Variants in SLC12A5 observed in about 807,000 individuals in gnomAD.
SLC12A5 encodes solute carrier family 12 member 5, also known as K-Cl cotransporter 2.
SLC12A5 carries 18 observed loss-of-function variants against 124.0 expected under a neutral mutation model. The observed-to-expected ratio is 0.15, with a 90% CI of 0.10 to 0.22. SLC12A5 has a LOEUF of 0.22. Ranked by LOEUF, SLC12A5 falls within the 10% of genes least tolerant of loss-of-function variation. SLC12A5 has a pLI of 1.00. For synonymous variants in SLC12A5, 589 were observed against 568.0 expected, an observed-to-expected ratio of 1.04 and a Z score of -0.53; for missense variants, 867 against 1,478.7, an observed-to-expected ratio of 0.59 and a Z score of 6.78.
At position 46,037,549 on chromosome 20, in the gene SLC12A5, T is replaced by C. The variant is rs566341431; in HGVS notation, c.612+164T>C. Among the ~76,000 whole-genome samples, 613 of 152,300 alleles carry C rather than the reference T, an allele frequency of 4.0e-3. 2 individuals are homozygous for C. The highest frequency in any genetic ancestry group is 0.014 in the African/African-American group (597 of 41,550). Reference sequence around the variant, plus strand: ...TGTTTCTAAAGAGTTCACAGTCTAGTTGGGGAGACAAGATACAATAATTAT... The same window carrying C: ...TGTTTCTAAAGAGTTCACAGTCTAGCTGGGGAGACAAGATACAATAATTAT... On this transcript the variant is annotated intron_variant, in intron 6 of 25. Coordinates refer to ENST00000243964, the MANE Select transcript of SLC12A5 (RefSeq NM_020708.5).
At chr20:46,046,721 G>C (rs1004185431) in intron 14 of SLC12A5, among the ~76,000 whole-genome samples, 2 of 152,242 alleles carry the variant, frequency 1.3e-5, no homozygotes, top group East Asian at 1.9e-4. Flanking sequence ...CTGGAAGTCA[G>C]CTGGCCAGAG....
downstream of SLC12A5, among the ~76,000 whole-genome samples, chr20:46,023,940 C>T (rs962070807): frequency 6.6e-6 from 1 of 152,140 alleles, no homozygotes; most frequent in Non-Finnish European, 1.5e-5. Context: ...CTACCCTTGC[C>T]TTCTCTTCTC....
chr20:46,023,524 C>T, exon 3 of SLC12A5: 1 of 398,842 alleles, frequency 2.5e-6, no homozygotes, highest in Middle Eastern at 6.3e-4. Context: ...CCAGTCCTTC[C>T]CTAGCCCTCC....
chr20:46,054,662 C>A (rs2084674301), intron 20 of SLC12A5, among the ~76,000 whole-genome samples: 1 of 152,210 alleles, frequency 6.6e-6, no homozygotes, highest in South Asian at 2.1e-4. Flanking sequence ...ATTAGTTCAT[C>A]CATTCATATG....
At chr20:46,036,914 C>A in intron 5 of SLC12A5, 119 bp downstream of exon 5, 1 of 1,334,448 alleles carries the variant, frequency 7.5e-7, no homozygotes, top group Non-Finnish European at 1.1e-6. Context: ...GGGGGCTGGG[C>A]TGTATCTGTT....
chr20:46,033,051 G>T (rs570208721), intron 1 of SLC12A5, among the ~76,000 whole-genome samples: 70 of 152,328 alleles, frequency 4.6e-4, no homozygotes, highest in African/African-American at 1.6e-3. Context: ...ATGAGGTGGA[G>T]GTGGTGGCAG....
At chr20:46,040,697 C>T (rs2084538279) in intron 7 of SLC12A5, 83 bp downstream of exon 7, 1 of 1,563,368 alleles carries the variant, frequency 6.4e-7, no homozygotes, top group African/African-American at 1.3e-5. Flanking sequence ...ACTCCCCCTC[C>T]CTGCCCCTCA....
In SLC12A5 at chr20:46,054,975, C is replaced by G. The variant is rs1425929792; in HGVS notation, c.2739C>G (p.Ser913=). ...AGACGTTGGTGATGGAGCAGCGTTC[C>G]CAGATCCTCAAACAGATGCATTTAA... ...YEKTLVMEQR[S]QILKQMHLTK... is the part of the protein sequence containing the mutation. The change falls in exon 21 of 26, where the codon TCC becomes TCG. Residue 913 remains serine (S), a synonymous_variant. Transcript: ENST00000243964. The G allele has an allele frequency of 9.3e-6, 15 of 1,614,072 alleles. No homozygotes were observed. The highest frequency in any genetic ancestry group is 1.3e-5 in the Non-Finnish European group (15 of 1,180,004).
chr20:46,036,619 G>A (rs2084500851), intron 4 of SLC12A5, 122 bp from the exon 5 acceptor site: 3 of 966,192 alleles, frequency 3.1e-6, no homozygotes, highest in Non-Finnish European at 4.9e-6. Flanking sequence ...GGTCCAGGGA[G>A]CAGCTCAGCA....
At chr20:46,034,788 C>T in intron 1 of SLC12A5, 160 bp from the exon 2 acceptor site, 2 of 679,350 alleles carry the variant, frequency 2.9e-6, no homozygotes, top group South Asian at 3.3e-5. Flanking sequence ...GCTCTGTATA[C>T]ATGCTGTCAA....
intron 6 of SLC12A5, chr20:46,038,147 A>G (rs533779410): frequency 1.3e-5 from 2 of 152,202 alleles, no homozygotes; most frequent in South Asian, 4.2e-4. Context: ...ATATCATTTT[A>G]TTTTATCGTC....
rs949875148 is a variant in SLC12A5 at position 46,044,967 on chromosome 20, T to C, written c.1396T>C (p.Phe466Leu). 6.2e-7 allele frequency: 1 copy of C among 1,614,024 alleles called. No individual in the cohort carries two copies. The highest frequency in any genetic ancestry group is 8.5e-7 in the Non-Finnish European group (1 of 1,180,022). ...CIEGVVLRDK[F>L]GEAVNGNLVV... ...CATCTCCTGTCCACATCATTCCAGG[T>C]TTGGCGAAGCTGTGAATGGCAACCT... The change falls in exon 12 of 26, where the codon TTT becomes CTT. Residue 466 changes from phenylalanine (F) to leucine (L), a missense_variant and splice_region_variant. Around this residue, in one of 9 missense-constraint regions of SLC12A5, gnomAD observed 152 missense variants for 358.7 expected, o/e 0.42. Coordinates refer to ENST00000243964, the MANE Select transcript of SLC12A5 (RefSeq NM_020708.5).
At chr20:46,029,132 G>A, upstream of SLC12A5, 1 of 1,390,566 alleles carries the variant, frequency 7.2e-7, no homozygotes, top group Non-Finnish European at 9.3e-7. Context: ...GGGATGAGGT[G>A]AGCAGCGCCG....
intron 1 of SLC12A5, among the ~76,000 whole-genome samples, chr20:46,029,875 T>C (rs1349842492): frequency 1.9e-5 from 1 of 52,134 alleles, no homozygotes; most frequent in African/African-American, 7.4e-5. Context: ...TGTGTGTGTG[T>C]GTGTGTGTGT....
chr20:46,029,545 T>C, intron 1 of SLC12A5, 149 bp downstream of exon 1: 1 of 853,170 alleles, frequency 1.2e-6, no homozygotes, highest in Non-Finnish European at 1.8e-6. Flanking sequence ...GGAGCTCAGC[T>C]CCATTGGAAT....
chr20:46,053,735 G>C lies in SLC12A5; in HGVS notation c.2679+26G>C. On this transcript the variant is annotated intron_variant, in intron 20 of 25. Coordinates refer to ENST00000243964, the MANE Select transcript of SLC12A5 (RefSeq NM_020708.5). This position sits in a 1 kb window ranked among gnomAD's most constrained non-coding sequence, Gnocchi z 4.7. ...GTGAGTCCCCAGGAGACACCGCTGG[G>C]GTTCCACCTGGCCCTCTTTCCTCTT... The C allele has an allele frequency of 6.5e-7, 1 of 1,539,434 alleles. No homozygotes were observed. Among genetic ancestry groups the C allele is most frequent in the Non-Finnish European group, 8.8e-7 (1 of 1,138,632 alleles).
chr20:46,057,280 G>A lies in SLC12A5; in HGVS notation c.3236G>A (p.Arg1079His). ...LVLLNMPGPP[R>H]NRNGDENYME... is the part of the protein sequence containing the mutation. The stretch of plus-strand genomic sequence containing the variant: ...TTGCTCAACATGCCTGGGCCTCCCC[G>A]CAACCGCAATGGTGATGAAAACTGT... The change falls in exon 25 of 26, where the codon CGC becomes CAC. Residue 1079 changes from arginine to histidine, a missense_variant. Physicochemically the swap from Arg to His is conservative, Grantham distance 29 (BLOSUM62 0). Transcript: ENST00000243964. This position sits in a 1 kb window ranked among gnomAD's most constrained non-coding sequence, Gnocchi z 7.1. The A allele has an allele frequency of 1.2e-6, 2 of 1,614,156 alleles. No homozygotes were observed. The highest frequency in any genetic ancestry group is 1.7e-6 in the Non-Finnish European group (2 of 1,180,022).
At position 46,056,007 on chromosome 20, in the gene SLC12A5, G is replaced by T. The variant is rs949393499; in HGVS notation, c.2788-143G>T. ...AGATCAGTGGTGCAGTAGCTATTTG[G>T]TCTCAAATCATAGCAATATTTTAAC... is the stretch of plus-strand genomic sequence containing the variant. On this transcript the variant is annotated intron_variant, in intron 21 of 25. Coordinates refer to ENST00000243964, the MANE Select transcript of SLC12A5 (RefSeq NM_020708.5). The surrounding 1 kb of genome is among the most constrained non-coding windows in gnomAD (Gnocchi z 4.3). 6 of 1,174,550 alleles carry T rather than the reference G, an allele frequency of 5.1e-6. No homozygotes were observed. The African/African-American group carries it at 9.3e-5, about 18-fold the overall frequency. The allele number at this position is 1,174,550 out of a possible 1,614,324, so 72.8% of individuals were successfully genotyped here.
rs2084661615 is a variant in SLC12A5 at position 46,053,237 on chromosome 20, G to T, written c.2547+111G>T. The T allele has an allele frequency of 2.5e-6, 3 of 1,221,252 alleles. No individual in the cohort carries two copies. The Admixed American group carries it at 7.2e-5, about 29-fold the overall frequency. The allele number at this position is 1,221,252 out of a possible 1,614,324, so 75.7% of individuals were successfully genotyped here. ...GACTCAGGGGCTCTGGCCAGGGTCAGCTTCCGTGTCCTTCCTCCCCTGTAA... is the reference window on the plus strand; with the variant it reads ...GACTCAGGGGCTCTGGCCAGGGTCATCTTCCGTGTCCTTCCTCCCCTGTAA... On this transcript the variant is annotated intron_variant, in intron 19 of 25. Transcript: ENST00000243964. This position sits in a 1 kb window ranked among gnomAD's most constrained non-coding sequence, Gnocchi z 4.7.
Sources: gnomAD v4.1 joint callset for allele counts (sites outside exome capture counted in the v4.1 genomes callset) on GRCh38, gnomAD v4.1.1 for gene constraint, gnomAD v4.1.1 regional missense constraint, Gnocchi (gnomAD v3.1) non-coding constraint, MANE v1.5 for transcripts, NCBI Gene and HGNC (gene_info 2026-07-23, HGNC 2026-07-21) for gene names.